Variants in GPR108 observed in about 807,000 individuals in gnomAD.
GPR108 encodes protein GPR108.
Under a neutral mutation model 74.3 loss-of-function variants are expected in GPR108, and 60 were observed. The observed-to-expected ratio is 0.81, with a 90% CI of 0.66 to 1.00. GPR108 has a LOEUF of 1.00. GPR108 is among the 50% of genes least tolerant of loss of function. GPR108 has a pLI of 0.00. For missense variants in GPR108, 667 were observed against 703.3 expected, an observed-to-expected ratio of 0.95 and a Z score of 0.58; for synonymous variants, 311 against 292.4, an observed-to-expected ratio of 1.06 and a Z score of -0.65.
chr19:6,736,443 A>G (rs1033222265), intron 2 of GPR108, 149 bp downstream of exon 2: 1 of 822,126 alleles, frequency 1.2e-6, no homozygotes, highest in South Asian at 1.7e-5. Flanking sequence ...CCTGTGTAAG[A>G]CATCATTACT....
At chr19:6,733,792 G>T (rs1306795775) in intron 7 of GPR108, 53 bp downstream of exon 7, 5 of 1,601,638 alleles carry the variant, frequency 3.1e-6, no homozygotes, top group Non-Finnish European at 4.3e-6. Context: ...GCTCAGCTTG[G>T]GGGTCCCGTG....
rs1253467758 is a variant in GPR108, at chr19:6,733,164, T to C, written c.857+4A>G. The C allele has an allele frequency of 3.7e-6, 6 of 1,613,800 alleles. No individual in the cohort carries two copies. The Admixed American group carries it at 6.7e-5, about 18-fold the overall frequency. ...TGGGGGACCCTCAGGGGCAGGGGCA[T>C]TACGTGTTCCTGCAGAGGATGGACA... On this transcript the variant is annotated splice_donor_region_variant and intron_variant, in intron 9 of 17. Transcript: ENST00000264080.
At chr19:6,735,542 G>T (rs1318075961) in intron 4 of GPR108, 80 bp downstream of exon 4, 5 of 1,222,472 alleles carry the variant, frequency 4.1e-6, no homozygotes, top group Non-Finnish European at 6.0e-6. Flanking sequence ...CATCCCACCT[G>T]ATCAGCCCAG....
At chr19:6,736,739 G>A (rs1197250419) in intron 1 of GPR108, 28 bp from the exon 2 acceptor site, 5 of 1,613,658 alleles carry the variant, frequency 3.1e-6, no homozygotes, top group Non-Finnish European at 4.2e-6. Context: ...GGCAGAGGCA[G>A]TTCAGACCTC....
chr19:6,734,048 G>A lies in GPR108; in HGVS notation c.506C>T (p.Thr169Ile). The change falls in exon 6 of 18, where the codon ACC becomes ATC. Residue 169 changes from threonine to isoleucine, a missense_variant. Physicochemically the swap from Thr to Ile is moderately conservative, Grantham distance 89 (BLOSUM62 -1). Coordinates refer to ENST00000264080, the MANE Select transcript of GPR108 (RefSeq NM_001080452.2). Reference protein sequence around the residue: ...TVPRKVDGGGTSAASKPKSTP... With the variant: ...TVPRKVDGGGISAASKPKSTP... Reference sequence around the variant, plus strand: ...TGACTTGGGCTTGCTGGCTGCAGAGGTCCCTCCTGTAAGAGACCGGGCAGT... The same window carrying A: ...TGACTTGGGCTTGCTGGCTGCAGAGATCCCTCCTGTAAGAGACCGGGCAGT... 3 of 1,614,182 alleles carry A rather than the reference G, an allele frequency of 1.9e-6. No individual in the cohort carries two copies. The highest frequency in any genetic ancestry group is 2.5e-6 in the Non-Finnish European group (3 of 1,180,026).
At chr19:6,731,560 G>T in intron 14 of GPR108, 38 bp from the exon 15 acceptor site, 1 of 1,070,228 alleles carries the variant, frequency 9.3e-7, no homozygotes, top group Non-Finnish European at 1.3e-6. Flanking sequence ...AGGGGAGACT[G>T]AGGGTGGGAG....
At chr19:6,736,813 T>C (rs773283182) in intron 1 of GPR108, 102 bp from the exon 2 acceptor site, 1 of 1,523,146 alleles carries the variant, frequency 6.6e-7, no homozygotes, top group African/African-American at 1.4e-5. Flanking sequence ...CTGGTACCCC[T>C]CTATTTAGGA....
rs373833830 is a variant in GPR108, at chr19:6,732,314, G to A, written c.1074C>T (p.Tyr358=). Residue 358 remains tyrosine (Y), a synonymous_variant, in exon 12 of 18, where the codon TAC becomes TAT. Coordinates refer to ENST00000264080, the MANE Select transcript of GPR108 (RefSeq NM_001080452.2). ...CCTTCTTCTCCTTATCCGACAGGACGTACTTGATGAAGGCCCAGCCTGAGC... is the reference window on the plus strand; with the variant it reads ...CCTTCTTCTCCTTATCCGACAGGACATACTTGATGAAGGCCCAGCCTGAGC... ...LIGSGWAFIK[Y]VLSDKEKKVF... 1.7e-5 allele frequency: 28 copies of A among 1,613,316 alleles called. No individual in the cohort carries two copies. The highest frequency in any genetic ancestry group is 1.3e-4 in the Admixed American group (8 of 60,030).
chr19:6,733,785 C>T, intron 7 of GPR108, 60 bp downstream of exon 7: 2 of 1,598,322 alleles, frequency 1.3e-6, no homozygotes, highest in Non-Finnish European at 1.7e-6. Context: ...CAGGAGGGCT[C>T]AGCTTGGGGG....
rs1279734938 is a variant in GPR108, at chr19:6,733,281, G to T, written c.744C>A (p.Asn248Lys). The change falls in exon 9 of 18, where the codon AAC becomes AAA. Residue 248 changes from asparagine to lysine, a missense_variant. Transcript: ENST00000264080. ...CCGCTGCCGACAGGAAGCCATCGGG[G>T]TTCTTCTCCCGGATCATCACCTGCG... ...FDITVMIREK[N>K]PDGFLSAAEM... 1 of 1,613,572 alleles carries T rather than the reference G, an allele frequency of 6.2e-7. No individual in the cohort carries two copies. Among genetic ancestry groups the T allele is most frequent in the East Asian group, 2.2e-5 (1 of 44,874 alleles).
chr19:6,732,441 C>G (rs1369982460), intron 11 of GPR108, 35 bp downstream of exon 11: 1 of 1,610,390 alleles, frequency 6.2e-7, no homozygotes, highest in Non-Finnish European at 8.5e-7. Flanking sequence ...CTGCCTGCCT[C>G]CCCCCAGCTG....
At chr19:6,731,686 T>G (rs1419748811) in intron 14 of GPR108, among the ~76,000 whole-genome samples, 164 bp from the exon 15 acceptor site, 1 of 147,456 alleles carries the variant, frequency 6.8e-6, no homozygotes, top group African/African-American at 2.5e-5. Flanking sequence ...AAGGGGGAGA[T>G]CAGAGAGGAG....
intron 4 of GPR108, 65 bp downstream of exon 4, chr19:6,735,557 G>T: frequency 2.9e-6 from 4 of 1,369,892 alleles, no homozygotes; most frequent in Non-Finnish European, 4.2e-6. Context: ...GCCCAGGTGC[G>T]TGTGGGCATC....
Position 6,730,365 on chromosome 19 carries a change from G to A in GPR108, c.1579C>T (p.Arg527Trp), listed in dbSNP as rs756152587. The part of the protein sequence containing the change: ...MEQVMTDSGF[R>W]EGLSKVNKTA... ...TTGTTGACTTTGGAGAGGCCTTCCC[G>A]GAACCCAGAGTCCGTCATTCTGGGG... Residue 527 changes from arginine to tryptophan, a missense_variant, in exon 18 of 18, where the codon CGG (arginine) becomes TGG (tryptophan). Arg to Trp is a moderately radical substitution (Grantham distance 101, BLOSUM62 -3). Transcript: ENST00000264080. 73 of 1,613,250 alleles carry A rather than the reference G, an allele frequency of 4.5e-5. No individual in the cohort carries two copies. The highest frequency in any genetic ancestry group is 6.0e-5 in the Non-Finnish European group (71 of 1,179,868).
In GPR108 at chr19:6,733,388, T is replaced by C. The variant is rs541313597; in HGVS notation, c.724-87A>G. 5.6e-6 allele frequency: 8 copies of C among 1,435,104 alleles called. No homozygotes were observed. In the Admixed American group the frequency reaches 1.2e-4, roughly 21 times the overall value. 88.9% of individuals were successfully genotyped at this position (1,435,104 alleles called of 1,614,324 possible). ...CAGCGAGTGGGGGTCTCCAGCTCTC[T>C]CACTTTCTACTGGGCCACTCATCCA... On this transcript the variant is annotated intron_variant, in intron 8 of 17. Transcript: ENST00000264080.
chr19:6,733,504 G>T, intron 8 of GPR108, 66 bp downstream of exon 8: 1 of 1,507,214 alleles, frequency 6.6e-7, no homozygotes, highest in Non-Finnish European at 9.2e-7. Flanking sequence ...GCGGGGTGAG[G>T]CACTCTGGGC....
chr19:6,734,419 G>T (rs1968548957), intron 4 of GPR108, 112 bp from the exon 5 acceptor site: 1 of 1,029,322 alleles, frequency 9.7e-7, no homozygotes, highest in Non-Finnish European at 1.4e-6. Context: ...TGAGGGGCGG[G>T]GTCCAGTCGA....
At chr19:6,737,267 C>T in intron 1 of GPR108, 190 bp downstream of exon 1, 1 of 705,678 alleles carries the variant, frequency 1.4e-6, no homozygotes. Flanking sequence ...GCGAGGCGGA[C>T]CCGGCAACTC....
At chr19:6,730,422 GGCA>G in intron 17 of GPR108, 38 bp from the exon 18 acceptor site, 1 of 1,570,434 alleles carries the variant, frequency 6.4e-7, no homozygotes, top group Non-Finnish European at 8.8e-7. Flanking sequence ...AGCGTTGCAG[GGCA>G]GCAGGCCCCA....
Sources: allele counts gnomAD v4.1 joint callset (sites outside exome capture counted in the v4.1 genomes callset), GRCh38; gene constraint gnomAD v4.1.1; transcripts MANE v1.5; gene names NCBI Gene and HGNC (gene_info 2026-07-23, HGNC 2026-07-21).